The following SCAPER variants were observed in gnomAD, a reference collection of about 807,000 sequenced individuals.
SCAPER encodes the protein S-phase cyclin A associated protein in the ER.
A neutral mutation model predicts 182.2 loss-of-function variants in SCAPER; 98 were observed. That is an observed-to-expected ratio of 0.54 (90% CI 0.46 to 0.64). The LOEUF is 0.64. Ranked by LOEUF, SCAPER falls within the 30% of genes least tolerant of loss-of-function variation. The probability of loss-of-function intolerance (pLI) is 0.00; values close to 1 mark genes in which losing one functional copy is unlikely to be tolerated. For synonymous variants in SCAPER, 605 were observed against 564.6 expected (o/e 1.07, Z -1.01); for missense variants, 1,432 against 1,690.0 (o/e 0.85, Z 2.68).
chr15:76,630,525 TTTC>T (rs1439205351), intron 21 of SCAPER, among the ~76,000 whole-genome samples: 1 of 152,162 alleles, frequency 6.6e-6, no homozygotes, highest in Non-Finnish European at 1.5e-5. Flanking sequence ...TTTCAAATAA[TTTC>T]TTAACTTCTG....
intron 20 of SCAPER, among the ~76,000 whole-genome samples, chr15:76,670,035 C>T (rs1320743346): frequency 6.6e-6 from 1 of 152,144 alleles, no homozygotes; most frequent in Non-Finnish European, 1.5e-5. Context: ...CCTTTACACA[C>T]ATATTCACAT....
intron 22 of SCAPER, among the ~76,000 whole-genome samples, chr15:76,605,432 T>C (rs1402319929): frequency 6.6e-6 from 1 of 152,210 alleles, no homozygotes; most frequent in Non-Finnish European, 1.5e-5. Flanking sequence ...TGCCAGTATT[T>C]TATTGAGGAT....
chr15:76,838,020 T>C (rs1194916502), intron 5 of SCAPER, among the ~76,000 whole-genome samples: 1 of 152,156 alleles, frequency 6.6e-6, no homozygotes, highest in Non-Finnish European at 1.5e-5. Flanking sequence ...AAAACAGAAC[T>C]ACCATTTGAC....
intron 22 of SCAPER, among the ~76,000 whole-genome samples, chr15:76,620,014 T>G (rs879728267): frequency 1.3e-5 from 2 of 152,162 alleles, no homozygotes; most frequent in Admixed American, 1.3e-4. Context: ...AGGCAGAGGT[T>G]GCAGTGAGCC....
chr15:76,745,372 C>T (rs372270049), intron 15 of SCAPER, among the ~76,000 whole-genome samples: 11 of 152,104 alleles, frequency 7.2e-5, no homozygotes, highest in African/African-American at 2.2e-4. Flanking sequence ...TGGCTTGAAC[C>T]CGGGAGGCAG....
At chr15:76,625,802 CTTCT>C (rs1258580243) in intron 21 of SCAPER, among the ~76,000 whole-genome samples, 1 of 152,124 alleles carries the variant, frequency 6.6e-6, no homozygotes. Flanking sequence ...GGATCACGCA[CTTCT>C]TTCCCCACAC....
chr15:76,870,635 A>C (rs1283739457), intron 2 of SCAPER, among the ~76,000 whole-genome samples: 2 of 152,070 alleles, frequency 1.3e-5, no homozygotes, highest in Non-Finnish European at 2.9e-5. Flanking sequence ...AACTCAATGA[A>C]TGGGTTTAAC....
At chr15:76,796,376 C>A (rs1202605489) in intron 7 of SCAPER, among the ~76,000 whole-genome samples, 1 of 152,164 alleles carries the variant, frequency 6.6e-6, no homozygotes, top group Non-Finnish European at 1.5e-5. Context: ...TCTTAGTTTT[C>A]ACAAAAACAA....
At chr15:76,372,575 T>C (rs758952082) in intron 29 of SCAPER, among the ~76,000 whole-genome samples, 2 of 152,218 alleles carry the variant, frequency 1.3e-5, no homozygotes, top group Non-Finnish European at 1.5e-5. Flanking sequence ...AGTAAGTTTA[T>C]CATAACAGAG....
chr15:76,520,675 CAT>C (rs2042766552), intron 23 of SCAPER, among the ~76,000 whole-genome samples: 1 of 152,158 alleles, frequency 6.6e-6, no homozygotes, highest in African/African-American at 2.4e-5. Context: ...AGAACTGTCT[CAT>C]ATCACAACAG....
chr15:76,807,226 G>A (rs565304793), intron 5 of SCAPER, among the ~76,000 whole-genome samples: 79 of 152,296 alleles, frequency 5.2e-4, no homozygotes, highest in Non-Finnish European at 9.4e-4. Context: ...TCAGGTTAAG[G>A]AATTTCCCTA....
In SCAPER at chr15:76,804,580, G is replaced by C. The variant is rs1455925600; in HGVS notation, c.447C>G (p.Asp149Glu). ...NYVRDFKALI[D>E]WIQLQEKLEK... ...CTAGCTTTTCCTGAAGCTGAATCCA[G>C]TCAATCAATGCTTTGAAATCTCTTA... is the stretch of plus-strand genomic sequence containing the variant. The change falls in exon 6 of 32, where the codon GAC (aspartate) becomes GAG (glutamate). Residue 149 changes from aspartate (D) to glutamate (E), a missense_variant. Around this residue, in one of 5 missense-constraint regions of SCAPER, gnomAD observed 480 missense variants for 510.2 expected, o/e 0.94. Coordinates refer to ENST00000563290, the MANE Select transcript of SCAPER (RefSeq NM_020843.4). The C allele has an allele frequency of 1.2e-6, 2 of 1,611,664 alleles. No homozygotes were observed. Among genetic ancestry groups the C allele is most frequent in the African/African-American group, 2.7e-5 (2 of 74,868 alleles).
intron 24 of SCAPER, among the ~76,000 whole-genome samples, chr15:76,489,215 G>A (rs1158673784): frequency 7.4e-6 from 1 of 135,474 alleles, no homozygotes; most frequent in Non-Finnish European, 1.6e-5. Context: ...AAGTAATTGT[G>A]GTTTTGCCAT....
intron 17 of SCAPER, among the ~76,000 whole-genome samples, chr15:76,720,686 T>C (rs1405999148): frequency 2.0e-5 from 3 of 152,250 alleles, no homozygotes; most frequent in Non-Finnish European, 4.4e-5. Flanking sequence ...AGAGTGATGA[T>C]GAGCACTTTT....
intron 5 of SCAPER, 84 bp downstream of exon 5, chr15:76,841,650 G>GAA: frequency 1.2e-5 from 15 of 1,266,246 alleles, no homozygotes; most frequent in South Asian, 1.5e-5. Context: ...CCATCTCAAA[G>GAA]AAAAAAAAAA....
chr15:76,348,735 C>A lies in SCAPER; in HGVS notation c.4101G>T (p.Gly1367=). Residue 1367 remains glycine, a splice_region_variant and synonymous_variant, in exon 32 of 32, where the codon GGG becomes GGT. Transcript: ENST00000563290. ...QAENQPYQPK[G]KCLGSQDYLE... ...GATAGTCTTGGGAACCAAGGCATTT[C>A]CCTGAGAGGGGGATAAAAGAGAAAA... is the stretch of plus-strand genomic sequence containing the variant. 6.6e-7 allele frequency: 1 copy of A among 1,508,964 alleles called. No individual in the cohort carries two copies. The highest frequency in any genetic ancestry group is 8.9e-7 in the Non-Finnish European group (1 of 1,122,218). 93.5% of individuals were successfully genotyped at this position (1,508,964 alleles called of 1,614,324 possible).
chr15:76,809,502 A>C (rs998404927), intron 5 of SCAPER, among the ~76,000 whole-genome samples: 4 of 152,200 alleles, frequency 2.6e-5, no homozygotes, highest in African/African-American at 9.7e-5. Context: ...AGCAGACTAG[A>C]TTAAGCAGAA....
chr15:76,681,092 T>C (rs2057675647), intron 20 of SCAPER, among the ~76,000 whole-genome samples: 1 of 152,162 alleles, frequency 6.6e-6, no homozygotes, highest in Admixed American at 6.5e-5. Flanking sequence ...TGGTGATGGT[T>C]CCATGGTGTT....
intron 23 of SCAPER, among the ~76,000 whole-genome samples, chr15:76,507,169 C>T (rs1293237501): frequency 6.6e-6 from 1 of 151,912 alleles, no homozygotes. Flanking sequence ...AAAGTGAGGC[C>T]GTTAGAGTAG....
Sources: gnomAD v4.1 joint callset for allele counts (sites outside exome capture counted in the v4.1 genomes callset) on GRCh38, gnomAD v4.1.1 for gene constraint, gnomAD v4.1.1 regional missense constraint, MANE v1.5 for transcripts, NCBI Gene and HGNC (gene_info 2026-07-23, HGNC 2026-07-21) for gene names.